The following RAD54B variants were observed in gnomAD, a reference collection of about 807,000 sequenced individuals.
The protein encoded by RAD54B is DNA repair and recombination protein RAD54B.
Under a neutral mutation model 95.8 loss-of-function variants are expected in RAD54B, and 78 were observed. The ratio of observed to expected loss-of-function variants is 0.81; its 90% CI spans 0.68 to 0.98. The LOEUF (loss-of-function observed/expected upper bound fraction) is 0.98, where lower values mean the gene tolerates loss of function less well. RAD54B is among the 50% of genes least tolerant of loss of function. The pLI, the probability that RAD54B is intolerant of heterozygous loss-of-function variation, is 0.00. For synonymous variants in RAD54B, 328 were observed against 354.9 expected, an observed-to-expected ratio of 0.92 and a Z score of 0.85; for missense variants, 957 against 1,056.6, an observed-to-expected ratio of 0.91 and a Z score of 1.31.
intron 11 of RAD54B, among the ~76,000 whole-genome samples, chr8:94,386,038 A>G (rs765551927): frequency 6.6e-6 from 1 of 152,192 alleles, no homozygotes; most frequent in Non-Finnish European, 1.5e-5. Flanking sequence ...AAGGAGTGAC[A>G]AGTTCATATT....
chr8:94,387,795 C>T (rs1023593744), intron 10 of RAD54B, among the ~76,000 whole-genome samples: 6 of 152,104 alleles, frequency 3.9e-5, no homozygotes, highest in Admixed American at 3.9e-4. Context: ...ATTCCCCCTC[C>T]AAAACTGCCT....
chr8:94,391,937 G>C, intron 9 of RAD54B, 38 bp from the exon 10 acceptor site: 2 of 1,501,488 alleles, frequency 1.3e-6, no homozygotes, highest in Non-Finnish European at 1.8e-6. Flanking sequence ...AAGTGTTATA[G>C]ACAAAAATAC....
chr8:94,428,355 T>C (rs1226240625), intron 3 of RAD54B: 1 of 978,954 alleles, frequency 1.0e-6, no homozygotes, highest in Non-Finnish European at 1.2e-6. Flanking sequence ...CTTAAGTGTA[T>C]AGTCATCCCT....
At chr8:94,452,715 T>C (rs1015314562) in intron 3 of RAD54B, among the ~76,000 whole-genome samples, 1 of 152,114 alleles carries the variant, frequency 6.6e-6, no homozygotes, top group African/African-American at 2.4e-5. Flanking sequence ...GCCAGGATGG[T>C]CTCGATCTCC....
chr8:94,383,321 A>G (rs957789034), intron 11 of RAD54B, among the ~76,000 whole-genome samples: 1 of 150,088 alleles, frequency 6.7e-6, no homozygotes, highest in African/African-American at 2.4e-5. Flanking sequence ...GATGACAGCT[A>G]TGTAGCAAGA....
chr8:94,372,339 G>A lies in RAD54B; in HGVS notation c.2564C>T (p.Pro855Leu). 6.2e-7 allele frequency: 1 copy of A among 1,613,686 alleles called. No homozygotes were observed. The highest frequency in any genetic ancestry group is 8.5e-7 in the Non-Finnish European group (1 of 1,179,876). Reference sequence around the variant, plus strand: ...CAGGGAGTTAGATTTCTGGTGATGTGGACCAAGCTGACAATCTCTAGAGAC... The same window carrying A: ...CAGGGAGTTAGATTTCTGGTGATGTAGACCAAGCTGACAATCTCTAGAGAC... ...FIVSRDCQLG[P>L]HHQKSNSLKP... The change falls in exon 15 of 15, where the codon CCA (proline) becomes CTA (leucine). Residue 855 changes from proline (P) to leucine (L), a missense_variant. Physicochemically the swap from Pro to Leu is moderately conservative, Grantham distance 98. Coordinates refer to ENST00000336148, the MANE Select transcript of RAD54B (RefSeq NM_012415.3).
intron 10 of RAD54B, among the ~76,000 whole-genome samples, chr8:94,390,625 C>T (rs893482723): frequency 4.8e-4 from 70 of 147,048 alleles, no homozygotes; most frequent in Middle Eastern, 3.6e-3. Flanking sequence ...ACATATATAT[C>T]TGAGCCCCTA....
At chr8:94,377,033 C>G (rs1322381723) in intron 14 of RAD54B, among the ~76,000 whole-genome samples, 2 of 152,002 alleles carry the variant, frequency 1.3e-5, no homozygotes, top group Non-Finnish European at 2.9e-5. Context: ...GATCTAGTTC[C>G]TTTTTGAATG....
At chr8:94,406,027 C>CACACATAT (rs11281421) in intron 5 of RAD54B, among the ~76,000 whole-genome samples, 11 of 150,418 alleles carry the variant, frequency 7.3e-5, no homozygotes, top group African/African-American at 2.2e-4. Flanking sequence ...CACACACACA[C>CACACATAT]ATATATATAA....
Position 94,407,576 on chromosome 8 carries a change from G to A in RAD54B, c.644C>T (p.Thr215Ile), listed in dbSNP as rs773402115. 11 of 1,613,900 alleles carry A rather than the reference G, an allele frequency of 6.8e-6. No individual in the cohort carries two copies. The East Asian group carries it at 2.0e-4, about 29-fold the overall frequency. Residue 215 changes from threonine to isoleucine, a missense_variant, in exon 5 of 15, where the codon ACT becomes ATT. Transcript: ENST00000336148. ...AACCTGAGAAGAATGCGAGATAGCA[G>A]TACTTCCTCCTCCAAGCTGAAAACA... ...GRCFQLGGGS[T>I]AISHSSQVAR...
chr8:94,441,647 G>A (rs1428357424), intron 3 of RAD54B, among the ~76,000 whole-genome samples: 1 of 152,180 alleles, frequency 6.6e-6, no homozygotes, highest in Non-Finnish European at 1.5e-5. Context: ...AGGCATGACT[G>A]ATTAAATCAC....
At chr8:94,436,099 T>C (rs1156975065) in intron 3 of RAD54B, among the ~76,000 whole-genome samples, 1 of 152,094 alleles carries the variant, frequency 6.6e-6, no homozygotes, top group African/African-American at 2.4e-5. Flanking sequence ...CTGCTAACTT[T>C]ATATAAATTT....
chr8:94,418,703 G>C (rs1471929151), intron 3 of RAD54B, among the ~76,000 whole-genome samples: 1 of 152,082 alleles, frequency 6.6e-6, no homozygotes, highest in Non-Finnish European at 1.5e-5. Flanking sequence ...CGAATAAATG[G>C]AATCATACAG....
chr8:94,425,646 T>C (rs768422392), intron 3 of RAD54B, among the ~76,000 whole-genome samples: 7 of 152,182 alleles, frequency 4.6e-5, no homozygotes, highest in Admixed American at 6.5e-5. Flanking sequence ...ATCTAAGAGA[T>C]TGAATGTGAA....
Position 94,393,822 on chromosome 8 carries a change from C to A in RAD54B, c.1439G>T (p.Gly480Val). Residue 480 changes from glycine (G) to valine (V), a missense_variant, in exon 9 of 15, where the codon GGA becomes GTA. Coordinates refer to ENST00000336148, the MANE Select transcript of RAD54B (RefSeq NM_012415.3). ...ATAAGATGACAAAGAGCCTAATATTCCTGGATTTACAAAATCAATTAATGC... is the reference window on the plus strand; with the variant it reads ...ATAAGATGACAAAGAGCCTAATATTACTGGATTTACAAAATCAATTAATGC... Reference protein sequence around the residue: ...FFALIDFVNPGILGSLSSYRK... With the variant: ...FFALIDFVNPVILGSLSSYRK... The A allele has an allele frequency of 6.3e-7, 1 of 1,592,296 alleles. No individual in the cohort carries two copies. Among genetic ancestry groups the A allele is most frequent in the Non-Finnish European group, 8.6e-7 (1 of 1,161,758 alleles).
At chr8:94,456,613 G>C (rs569341774) in intron 3 of RAD54B, among the ~76,000 whole-genome samples, 2 of 152,148 alleles carry the variant, frequency 1.3e-5, no homozygotes, top group East Asian at 3.8e-4. Flanking sequence ...CTTTCAACTC[G>C]AGAGTTTGTA....
chr8:94,432,747 TGA>T, intron 3 of RAD54B: 2 of 1,348,906 alleles, frequency 1.5e-6, no homozygotes, highest in Non-Finnish European at 1.9e-6. Flanking sequence ...GTACATTAAA[TGA>T]TAAAGCTTTA....
chr8:94,441,228 T>C (rs112940313), intron 3 of RAD54B, among the ~76,000 whole-genome samples: 1 of 152,162 alleles, frequency 6.6e-6, no homozygotes, highest in Admixed American at 6.5e-5. Context: ...TTTAAGACAG[T>C]AGCTTGCCGA....
chr8:94,391,773 A>G lies in RAD54B; in HGVS notation c.1645T>C (p.Cys549Arg), dbSNP rs370200886. 1 of 1,613,986 alleles carries G rather than the reference A, an allele frequency of 6.2e-7. No individual in the cohort carries two copies. Among genetic ancestry groups the G allele is most frequent in the African/African-American group, 1.3e-5 (1 of 74,914 alleles). ...LPPKIENVVF[C>R]RPGALQIELY... Reference sequence around the variant, plus strand: ...TCAATCTGTAGTGCTCCTGGTCGGCAAAAGACAACATTCTCTATTTTAGGT... The same window carrying G: ...TCAATCTGTAGTGCTCCTGGTCGGCGAAAGACAACATTCTCTATTTTAGGT... The change falls in exon 10 of 15, where the codon TGC becomes CGC. Residue 549 changes from cysteine (C) to arginine (R), a missense_variant. Cys to Arg is a radical substitution (Grantham distance 180). Coordinates refer to ENST00000336148, the MANE Select transcript of RAD54B (RefSeq NM_012415.3).
Sources: allele counts gnomAD v4.1 joint callset (sites outside exome capture counted in the v4.1 genomes callset), GRCh38; gene constraint gnomAD v4.1.1; transcripts MANE v1.5; gene names NCBI Gene and HGNC (gene_info 2026-07-23, HGNC 2026-07-21).